Variants in FHIP2A observed in about 807,000 individuals in gnomAD.
FHIP2A encodes family with sequence similarity 160 member B1.
A neutral mutation model predicts 93.5 loss-of-function variants in FHIP2A; 46 were observed. The ratio of observed to expected loss-of-function variants is 0.49; its 90% CI spans 0.39 to 0.63. FHIP2A has a LOEUF of 0.63. Among genes scored for constraint, FHIP2A ranks in the 20% least tolerant of loss-of-function variants. The pLI is 0.00. For missense variants in FHIP2A, 769 were observed against 909.7 expected, an observed-to-expected ratio of 0.85 and a Z score of 1.99; for synonymous variants, 332 against 326.5, an observed-to-expected ratio of 1.02 and a Z score of -0.18.
chr10:114,846,486 A>G, intron 10 of FHIP2A, 73 bp from the exon 11 acceptor site: 7 of 1,454,952 alleles, frequency 4.8e-6, no homozygotes, highest in Non-Finnish European at 6.5e-6. Flanking sequence ...TGAAAGCATG[A>G]CTCACAAGAT....
At chr10:114,834,866 A>T (rs1207716674) in intron 3 of FHIP2A, among the ~76,000 whole-genome samples, 1 of 152,250 alleles carries the variant, frequency 6.6e-6, no homozygotes, top group Non-Finnish European at 1.5e-5. Flanking sequence ...TTGCAACCAA[A>T]CATGGATGAA....
At chr10:114,871,890 A>G (rs36036948) in intron 16 of FHIP2A, among the ~76,000 whole-genome samples, 47,275 of 152,030 alleles carry the variant, frequency 0.31, 8,016 homozygotes, top group Non-Finnish European at 0.39. Flanking sequence ...CTGTCATCTC[A>G]GCTCACTGAA....
At chr10:114,840,392 A>G (rs985067447) in intron 5 of FHIP2A, among the ~76,000 whole-genome samples, 1 of 152,228 alleles carries the variant, frequency 6.6e-6, no homozygotes, top group African/African-American at 2.4e-5. Flanking sequence ...GCTTTGAATG[A>G]CAAGGTGAAG....
At chr10:114,881,614 T>G (rs996946493) in intron 16 of FHIP2A, among the ~76,000 whole-genome samples, 1 of 152,118 alleles carries the variant, frequency 6.6e-6, no homozygotes, top group Non-Finnish European at 1.5e-5. Context: ...TGCTGGGATG[T>G]AAGGAACTTC....
chr10:114,885,512 T>C (rs1344531535), intron 16 of FHIP2A, among the ~76,000 whole-genome samples: 5 of 152,198 alleles, frequency 3.3e-5, no homozygotes, highest in African/African-American at 1.2e-4. Flanking sequence ...GGACACTTAG[T>C]CAATATTAAT....
chr10:114,886,724 T>A (rs921838318), intron 16 of FHIP2A, among the ~76,000 whole-genome samples: 1 of 152,178 alleles, frequency 6.6e-6, no homozygotes, highest in East Asian at 1.9e-4. Context: ...TTTGTATTTT[T>A]AGTAGAGACG....
intron 16 of FHIP2A, among the ~76,000 whole-genome samples, chr10:114,895,360 G>T (rs916458517): frequency 6.6e-6 from 1 of 152,124 alleles, no homozygotes; most frequent in Non-Finnish European, 1.5e-5. Context: ...GACTATGCCC[G>T]CTTGCTCTAC....
At chr10:114,838,398 C>A (rs1474315237) in intron 5 of FHIP2A, among the ~76,000 whole-genome samples, 1 of 151,816 alleles carries the variant, frequency 6.6e-6, no homozygotes, top group Non-Finnish European at 1.5e-5. Context: ...GTGTGTTGTT[C>A]GTGATGTGCG....
intron 16 of FHIP2A, among the ~76,000 whole-genome samples, chr10:114,873,964 A>C (rs2083871905): frequency 6.6e-6 from 1 of 151,824 alleles, no homozygotes; most frequent in Non-Finnish European, 1.5e-5. Context: ...AAAAAAAAAC[A>C]ACCCTAAGTT....
chr10:114,855,088 G>A, intron 13 of FHIP2A, 109 bp from the exon 14 acceptor site: 1 of 1,159,346 alleles, frequency 8.6e-7, no homozygotes, highest in Non-Finnish European at 1.2e-6. Context: ...AAGCATAGCA[G>A]ACATTCTGCA....
At chr10:114,865,458 A>G (rs1284638465), downstream of FHIP2A, among the ~76,000 whole-genome samples, 1 of 152,200 alleles carries the variant, frequency 6.6e-6, no homozygotes. Context: ...CAGCACAGCC[A>G]GAAAGAGAAA....
intron 11 of FHIP2A, among the ~76,000 whole-genome samples, 177 bp downstream of exon 11, chr10:114,846,905 T>A (rs1007586118): frequency 1.3e-5 from 2 of 152,248 alleles, no homozygotes; most frequent in Non-Finnish European, 2.9e-5. Context: ...TAATATTGTG[T>A]ATTCATTAGA....
chr10:114,869,419 G>A (rs886253635), downstream of FHIP2A, among the ~76,000 whole-genome samples: 3 of 152,006 alleles, frequency 2.0e-5, no homozygotes, highest in Admixed American at 1.3e-4. Context: ...TATTCTTTGT[G>A]GGCTGCTTCA....
In FHIP2A at chr10:114,863,058, C is replaced by T. The variant is rs1161018741; in HGVS notation, c.*1518C>T. 11 of 984,304 alleles carry T rather than the reference C, an allele frequency of 1.1e-5. No homozygotes were observed. The highest frequency in any genetic ancestry group is 5.2e-4 in the Middle Eastern group (1 of 1,912). The allele number at this position is 984,304 out of a possible 1,614,324, so 61.0% of individuals were successfully genotyped here. A position where few individuals can be genotyped will look rare whatever the true frequency, so the allele number is the denominator to read the frequency against. On this transcript the variant is annotated 3_prime_UTR_variant, in exon 17 of 17. Transcript: ENST00000369248. ...CAGAATATCAAAAGATTATGAATAG[C>T]CTCAGCTCTAGAATGCTTACCACTG...
At position 114,875,865 on chromosome 10, in the gene FHIP2A, GAA is replaced by G. The variant is rs1013289397; in HGVS notation, c.2192+14533_2192+14534del. 2.4e-4 allele frequency among the ~76,000 whole-genome samples: 30 copies of G among 124,534 alleles called. 1 individual carries two copies. In the East Asian group the frequency reaches 4.2e-3, roughly 18 times the overall value. The allele number at this position is 124,534 out of a possible 152,430, so 81.7% of individuals were successfully genotyped here. On this transcript the variant is annotated intron_variant, in intron 16 of 16. Coordinates refer to the FHIP2A transcript ENST00000369250. ...AAAGAAAGAAAGAAAAAGAAAGAAA[GAA>G]AGAGAAAGAAAGAAAAGAAAGAGAG...
chr10:114,852,152 T>C (rs1410393293), intron 13 of FHIP2A, among the ~76,000 whole-genome samples: 1 of 146,704 alleles, frequency 6.8e-6, no homozygotes. Flanking sequence ...TTGCTGCTGC[T>C]GCTTTTAGGT....
At chr10:114,859,909 C>T (rs2083787826) in intron 14 of FHIP2A, among the ~76,000 whole-genome samples, 1 of 152,178 alleles carries the variant, frequency 6.6e-6, no homozygotes, top group Admixed American at 6.5e-5. Flanking sequence ...TCAGTTCTAT[C>T]CCCAAGTACT....
At chr10:114,850,614 T>A (rs1425949034) in intron 13 of FHIP2A, among the ~76,000 whole-genome samples, 1 of 152,182 alleles carries the variant, frequency 6.6e-6, no homozygotes, top group Non-Finnish European at 1.5e-5. Flanking sequence ...GCAGGAGGAC[T>A]GCTTGAGCTC....
At chr10:114,832,070 A>G (rs962139657) in intron 2 of FHIP2A, among the ~76,000 whole-genome samples, 18 of 152,348 alleles carry the variant, frequency 1.2e-4, no homozygotes, top group Non-Finnish European at 1.5e-4. Context: ...AAATAGAGAC[A>G]TAAGTAAAGA....
Sources: gnomAD v4.1 joint callset for allele counts (sites outside exome capture counted in the v4.1 genomes callset) on GRCh38, gnomAD v4.1.1 for gene constraint, MANE v1.5 for transcripts, NCBI Gene and HGNC (gene_info 2026-07-23, HGNC 2026-07-21) for gene names.